The following KYNU variants were observed in gnomAD, a reference collection of about 807,000 sequenced individuals.
KYNU encodes L-kynurenine hydrolase.
In KYNU, 54 loss-of-function variants were observed where a neutral mutation model predicts 59.2. That is an observed-to-expected ratio of 0.91 (90% CI 0.73 to 1.14). The LOEUF (loss-of-function observed/expected upper bound fraction) is 1.14, where lower values mean the gene tolerates loss of function less well. KYNU is among the 50% of genes most tolerant of loss of function. KYNU has a pLI of 0.00. For missense variants in KYNU, 567 were observed against 554.4 expected (o/e 1.02, Z -0.23); for synonymous variants, 177 against 192.0 (o/e 0.92, Z 0.65).
chr2:142,968,543 T>C (rs1207857620), intron 8 of KYNU, among the ~76,000 whole-genome samples: 1 of 152,128 alleles, frequency 6.6e-6, no homozygotes, highest in Non-Finnish European at 1.5e-5. Context: ...ATATCCTGCA[T>C]ATGGTGATGA....
intron 4 of KYNU, among the ~76,000 whole-genome samples, chr2:142,935,594 T>A (rs1683363538): frequency 6.6e-6 from 1 of 152,156 alleles, no homozygotes; most frequent in Admixed American, 6.5e-5. Flanking sequence ...TGAAACTCCC[T>A]AATATAAGAG....
Position 143,022,557 on chromosome 2 carries a change from G to T in KYNU, c.903-7070G>T, listed in dbSNP as rs147399253. Among the ~76,000 whole-genome samples the T allele has an allele frequency of 1.6e-4, 25 of 151,848 alleles. 2 individuals carry two copies. The highest frequency in any genetic ancestry group is 5.1e-4 in the African/African-American group (21 of 41,476). On this transcript the variant is annotated intron_variant, in intron 10 of 13. Coordinates refer to ENST00000264170, the MANE Select transcript of KYNU (RefSeq NM_003937.3). ...ATACCTCTTTTTTGATTTGGTTTTT[G>T]TTTTCTATGCACTGAGCTAGTTTAA...
intron 2 of KYNU, among the ~76,000 whole-genome samples, chr2:142,910,687 T>C (rs1486446142): frequency 6.6e-6 from 1 of 152,186 alleles, no homozygotes; most frequent in Admixed American, 6.5e-5. Context: ...GGTTTTCTTC[T>C]AGGAATTTTA....
At chr2:143,040,807 A>G (rs953818541) in intron 13 of KYNU, 149 bp downstream of exon 13, 4 of 569,980 alleles carry the variant, frequency 7.0e-6, no homozygotes, top group Admixed American at 3.2e-5. Flanking sequence ...AGCCCTCAGC[A>G]CTGTGCTAAC....
At chr2:142,894,554 A>C (rs894695117) in intron 2 of KYNU, among the ~76,000 whole-genome samples, 1 of 152,174 alleles carries the variant, frequency 6.6e-6, no homozygotes, top group Non-Finnish European at 1.5e-5. Context: ...CATTGCCAGC[A>C]CTTGGGAAAA....
In KYNU at chr2:143,054,746, C is replaced by T. The variant is rs1687325458; in HGVS notation, c.*12574C>T. The stretch of plus-strand genomic sequence containing the variant: ...CATAAAGAGTCAAATACAGGGCATG[C>T]AACATAGCTGCTGATTGGATTTATT... On this transcript the variant is annotated 3_prime_UTR_variant, in exon 14 of 14. Coordinates refer to ENST00000264170, the MANE Select transcript of KYNU (RefSeq NM_003937.3). 6.6e-6 allele frequency: 1 copy of T among 152,090 alleles called. No homozygotes were observed. Among genetic ancestry groups the T allele is most frequent in the Non-Finnish European group, 1.5e-5 (1 of 68,020 alleles). The allele number at this position is 152,090 out of a possible 1,614,324, so 9.4% of individuals were successfully genotyped here. A position where few individuals can be genotyped will look rare whatever the true frequency, so the allele number is the denominator to read the frequency against.
chr2:142,973,667 C>T (rs1444159961), intron 8 of KYNU, among the ~76,000 whole-genome samples: 1 of 152,154 alleles, frequency 6.6e-6, no homozygotes, highest in Non-Finnish European at 1.5e-5. Flanking sequence ...GCAGGAAGTA[C>T]TCATCCCTCG....
chr2:143,037,794 G>T lies in KYNU; in HGVS notation c.1042-2634G>T, dbSNP rs141234109. On this transcript the variant is annotated intron_variant, in intron 12 of 13. Transcript: ENST00000264170. ...CATAACATTTATGAGAAGCAAAAAA[G>T]AAAATAGAATATTTATGTTACTTCC... 3.9e-4 allele frequency among the ~76,000 whole-genome samples: 59 copies of T among 152,190 alleles called. 2 individuals are homozygous for T. The highest frequency in any genetic ancestry group is 1.4e-3 in the African/African-American group (57 of 41,554).
In KYNU at chr2:143,017,563, T is replaced by G. The variant is rs144408149; in HGVS notation, c.903-12064T>G. ...TTCAAGTGATTCCCCTGCCTCAGCC[T>G]CCTTAGCTGGGATTACAGGCATGCA... On this transcript the variant is annotated intron_variant, in intron 10 of 13. Transcript: ENST00000264170. 1.1e-3 allele frequency among the ~76,000 whole-genome samples: 155 copies of G among 145,224 alleles called. 5 individuals are homozygous for G. The East Asian group carries it at 0.033, about 31-fold the overall frequency.
intron 10 of KYNU, among the ~76,000 whole-genome samples, chr2:143,002,413 A>G (rs1244907500): frequency 1.3e-5 from 2 of 152,002 alleles, no homozygotes; most frequent in African/African-American, 2.4e-5. Context: ...TGTTTCTTTC[A>G]TATTTGGGTT....
chr2:142,952,465 G>A (rs1684024805), intron 4 of KYNU, among the ~76,000 whole-genome samples: 1 of 151,612 alleles, frequency 6.6e-6, no homozygotes, highest in Admixed American at 6.6e-5. Flanking sequence ...TTTTTTAGAT[G>A]CAGGTTCCAC....
intron 10 of KYNU, among the ~76,000 whole-genome samples, chr2:143,016,694 A>T (rs1384623711): frequency 6.6e-6 from 1 of 152,162 alleles, no homozygotes; most frequent in Non-Finnish European, 1.5e-5. Flanking sequence ...TATAATTATG[A>T]CTTTATGGTT....
At chr2:142,887,567 A>G (rs999489413) in intron 2 of KYNU, among the ~76,000 whole-genome samples, 1 of 152,214 alleles carries the variant, frequency 6.6e-6, no homozygotes, top group African/African-American at 2.4e-5. Context: ...AATAGATATG[A>G]TGGAACCTTA....
Position 142,926,630 on chromosome 2 carries a change from G to A in KYNU, c.291-1029G>A, listed in dbSNP as rs1033383622. On this transcript the variant is annotated intron_variant, in intron 3 of 13. Coordinates refer to ENST00000264170, the MANE Select transcript of KYNU (RefSeq NM_003937.3). Reference sequence around the variant, plus strand: ...ATGCAGTGAGTAATCACACCAGTGCGTAGATCGCATCTTATGGTAATGAAG... The same window carrying A: ...ATGCAGTGAGTAATCACACCAGTGCATAGATCGCATCTTATGGTAATGAAG... Among the ~76,000 whole-genome samples the A allele has an allele frequency of 5.3e-5, 8 of 152,328 alleles. No individual in the cohort carries two copies. The East Asian group carries it at 1.4e-3, about 26-fold the overall frequency.
intron 2 of KYNU, among the ~76,000 whole-genome samples, chr2:142,900,000 G>A (rs1218479771): frequency 2.0e-5 from 3 of 152,166 alleles, no homozygotes; most frequent in African/African-American, 7.2e-5. Flanking sequence ...CAAGCCTCTT[G>A]TTCTCTGACC....
chr2:143,015,791 G>A (rs1039819682), intron 10 of KYNU, among the ~76,000 whole-genome samples: 5 of 152,010 alleles, frequency 3.3e-5, no homozygotes, highest in African/African-American at 1.2e-4. Flanking sequence ...GAGACACACT[G>A]GAATCAGTGA....
Position 142,912,858 on chromosome 2 carries a change from C to T in KYNU, c.170-5751C>T, listed in dbSNP as rs181410305. ...CAAATTAGCTGGGACTACAGGTGCC[C>T]GCCACTGCACCTGGCTAATTTTTTT... On this transcript the variant is annotated intron_variant, in intron 2 of 13. Coordinates refer to ENST00000264170, the MANE Select transcript of KYNU (RefSeq NM_003937.3). Among the ~76,000 whole-genome samples, 1,163 of 151,668 alleles carry T rather than the reference C, an allele frequency of 7.7e-3. 7 individuals carry two copies. Among genetic ancestry groups the T allele is most frequent in the African/African-American group, 0.027 (1,107 of 41,372 alleles).
At chr2:142,966,011 G>T (rs1393231518) in intron 8 of KYNU, among the ~76,000 whole-genome samples, 1 of 151,332 alleles carries the variant, frequency 6.6e-6, no homozygotes, top group African/African-American at 2.4e-5. Flanking sequence ...ATTTCACAAA[G>T]CATTTGAAAC....
At chr2:142,994,310 C>T (rs1685479187) in intron 10 of KYNU, among the ~76,000 whole-genome samples, 1 of 151,976 alleles carries the variant, frequency 6.6e-6, no homozygotes, top group African/African-American at 2.4e-5. Context: ...GCTAACTTCA[C>T]AGTCTACACA....
Sources: gnomAD v4.1 joint callset for allele counts (sites outside exome capture counted in the v4.1 genomes callset) on GRCh38, gnomAD v4.1.1 for gene constraint, MANE v1.5 for transcripts, NCBI Gene and HGNC (gene_info 2026-07-23, HGNC 2026-07-21) for gene names.